LRRC7: variants seen among roughly 807,000 people sequenced by gnomAD.
LRRC7 encodes the protein leucine-rich repeat-containing protein 7.
LRRC7 carries 23 observed loss-of-function variants against 175.7 expected under a neutral mutation model. The ratio of observed to expected loss-of-function variants is 0.13; its 90% confidence interval spans 0.09 to 0.19. The LOEUF (loss-of-function observed/expected upper bound fraction) is 0.19, where lower values mean the gene tolerates loss of function less well. Among genes scored for constraint, LRRC7 ranks in the 10% least tolerant of loss-of-function variants. LRRC7 has a pLI of 1.00. For missense variants in LRRC7, 1,354 were observed against 1,904.7 expected (o/e 0.71, Z 5.38); for synonymous variants, 685 against 680.9 (o/e 1.01, Z -0.09).
chr1:69,697,806 T>C (rs1291994022), intron 2 of LRRC7, among the ~76,000 whole-genome samples: 1 of 152,196 alleles, frequency 6.6e-6, no homozygotes, highest in East Asian at 1.9e-4. Context: ...TCATTAGTGA[T>C]AAAACTGATA....
chr1:69,781,717 A>G (rs184395707), intron 3 of LRRC7, among the ~76,000 whole-genome samples: 7 of 32,474 alleles, frequency 2.2e-4, no homozygotes, highest in African/African-American at 3.8e-4. Context: ...GAAAGAAAGA[A>G]AGAAAGAAAG....
intron 3 of LRRC7, among the ~76,000 whole-genome samples, chr1:69,789,964 G>A (rs1674924608): frequency 1.3e-5 from 2 of 151,910 alleles, no homozygotes; most frequent in Admixed American, 6.6e-5. Context: ...AAATATTCAA[G>A]GCCATTGATT....
intron 1 of LRRC7, among the ~76,000 whole-genome samples, chr1:69,636,787 T>G (rs1027673345): frequency 3.3e-5 from 5 of 152,020 alleles, no homozygotes; most frequent in African/African-American, 1.2e-4. Flanking sequence ...TTTTTATCCT[T>G]TAATATATTC....
chr1:70,058,329 G>A (rs1661309964), intron 23 of LRRC7, among the ~76,000 whole-genome samples: 1 of 152,112 alleles, frequency 6.6e-6, no homozygotes, highest in South Asian at 2.1e-4. Flanking sequence ...AAATTTTGAT[G>A]TCTATTAGTA....
chr1:69,986,464 G>T (rs1653943543), intron 10 of LRRC7, 78 bp downstream of exon 10: 1 of 1,267,968 alleles, frequency 7.9e-7, no homozygotes, highest in Non-Finnish European at 1.1e-6. Flanking sequence ...TTTGTCTATA[G>T]ATATAGGTAA....
At chr1:69,769,839 A>G (rs1672024676) in intron 3 of LRRC7, among the ~76,000 whole-genome samples, 1 of 152,214 alleles carries the variant, frequency 6.6e-6, no homozygotes, top group Non-Finnish European at 1.5e-5. Flanking sequence ...ATCAATGGCT[A>G]TAGATTACTA....
At chr1:69,929,009 T>C (rs1647184637) in intron 7 of LRRC7, among the ~76,000 whole-genome samples, 2 of 152,230 alleles carry the variant, frequency 1.3e-5, no homozygotes, top group Non-Finnish European at 2.9e-5. Context: ...TTCTTCTTAT[T>C]TTTTCTCCTA....
In LRRC7 at chr1:69,652,212, C is replaced by G. The variant is rs1466412931; in HGVS notation, c.3-26169C>G. Among the ~76,000 whole-genome samples the G allele has an allele frequency of 2.7e-5, 4 of 150,164 alleles. No individual in the cohort carries two copies. The East Asian group carries it at 7.9e-4, about 29-fold the overall frequency. On this transcript the variant is annotated intron_variant, in intron 1 of 26. Coordinates refer to ENST00000651989, the MANE Select transcript of LRRC7 (RefSeq NM_001370785.2). Reference sequence around the variant, plus strand: ...ACAAATAAGAAAGAGGTACAATTTTCTCTGTTCACAGATGACATGATGTTA... The same window carrying G: ...ACAAATAAGAAAGAGGTACAATTTTGTCTGTTCACAGATGACATGATGTTA...
chr1:69,897,799 T>A (rs1268658067), intron 7 of LRRC7, among the ~76,000 whole-genome samples: 1 of 152,202 alleles, frequency 6.6e-6, no homozygotes, highest in Non-Finnish European at 1.5e-5. Context: ...GCCATGTCAA[T>A]CTTAATGCAA....
chr1:69,696,742 C>T (rs1043209028), intron 2 of LRRC7, among the ~76,000 whole-genome samples: 4 of 152,058 alleles, frequency 2.6e-5, no homozygotes, highest in African/African-American at 4.8e-5. Flanking sequence ...TCATGTGAGA[C>T]GTGATTGTTT....
Position 70,142,946 on chromosome 1 carries a change from A to G in LRRC7, c.*21059A>G, listed in dbSNP as rs1667125811. 1 of 152,022 alleles carries G rather than the reference A, an allele frequency of 6.6e-6. No homozygotes were observed. Among genetic ancestry groups the G allele is most frequent in the South Asian group, 2.1e-4 (1 of 4,824 alleles). 9.4% of individuals were successfully genotyped at this position (152,022 alleles called of 1,614,324 possible). A position where few individuals can be genotyped will look rare whatever the true frequency, so the allele number is the denominator to read the frequency against. On this transcript the variant is annotated 3_prime_UTR_variant, in exon 27 of 27. Transcript: ENST00000651989. ...AAATTATTTTTTCCTAAACGATTTC[A>G]TAATTGATTACTTTTGACCTCAGTT...
chr1:70,122,325 AGGTATATGTT>A lies in LRRC7; in HGVS notation c.*441_*450del, dbSNP rs1426269357. The A allele has an allele frequency of 6.5e-6, 1 of 153,138 alleles. No homozygotes were observed. The highest frequency in any genetic ancestry group is 1.5e-5 in the Non-Finnish European group (1 of 68,490). 9.5% of individuals were successfully genotyped at this position (153,138 alleles called of 1,614,324 possible). On this transcript the variant is annotated 3_prime_UTR_variant, in exon 27 of 27. Coordinates refer to ENST00000651989, the MANE Select transcript of LRRC7 (RefSeq NM_001370785.2). ...ATTCCCATAAAATATTTCTAGCACA[AGGTATATGTT>A]GGCATATATACAAAAAGAATATAGA...
At chr1:69,767,703 C>G (rs960573898) in intron 3 of LRRC7, among the ~76,000 whole-genome samples, 1 of 152,150 alleles carries the variant, frequency 6.6e-6, no homozygotes, top group Non-Finnish European at 1.5e-5. Context: ...CTCAAGTGAT[C>G]CTACTGCGTT....
intron 1 of LRRC7, among the ~76,000 whole-genome samples, chr1:69,580,330 A>T (rs938505186): frequency 6.6e-6 from 1 of 152,180 alleles, no homozygotes; most frequent in Non-Finnish European, 1.5e-5. Flanking sequence ...CTGGTTAAAA[A>T]TATAATTTTT....
In LRRC7 at chr1:70,123,040, T is replaced by C. The variant is rs963521341; in HGVS notation, c.*1153T>C. On this transcript the variant is annotated 3_prime_UTR_variant, in exon 27 of 27. Transcript: ENST00000651989. ...CTGGGCAGAAATAGATAAAATACTTTTTTTCCAAAAACAGTTTCAAGGTAT... is the reference window on the plus strand; with the variant it reads ...CTGGGCAGAAATAGATAAAATACTTCTTTTCCAAAAACAGTTTCAAGGTAT... The C allele has an allele frequency of 5.9e-5, 9 of 152,558 alleles. No individual in the cohort carries two copies. Among genetic ancestry groups the C allele is most frequent in the Non-Finnish European group, 1.3e-4 (9 of 67,974 alleles). The allele number at this position is 152,558 out of a possible 1,614,324, so 9.5% of individuals were successfully genotyped here. A position where few individuals can be genotyped will look rare whatever the true frequency, so the allele number is the denominator to read the frequency against.
At chr1:69,642,599 A>G (rs1466054082) in intron 1 of LRRC7, among the ~76,000 whole-genome samples, 3 of 151,992 alleles carry the variant, frequency 2.0e-5, no homozygotes, top group Non-Finnish European at 4.4e-5. Flanking sequence ...AACACACTCA[A>G]TAATGTCAAA....
chr1:70,026,930 T>G (rs911168383), intron 17 of LRRC7, among the ~76,000 whole-genome samples: 44 of 152,206 alleles, frequency 2.9e-4, no homozygotes, highest in African/African-American at 1.1e-3. Context: ...TGGGCAAAAG[T>G]GTTTGAATTC....
intron 8 of LRRC7, among the ~76,000 whole-genome samples, chr1:69,979,121 A>G (rs534558013): frequency 5.1e-4 from 77 of 152,296 alleles, no homozygotes; most frequent in Non-Finnish European, 9.0e-4. Context: ...CAGAAGTCAC[A>G]AAGATTCACT....
intron 22 of LRRC7, among the ~76,000 whole-genome samples, chr1:70,045,297 T>C (rs181275487): frequency 1.3e-5 from 2 of 152,246 alleles, no homozygotes; most frequent in Admixed American, 1.3e-4. Context: ...CCTTGATTTG[T>C]GGTATCTGCC....
Sources: allele counts gnomAD v4.1 joint callset (sites outside exome capture counted in the v4.1 genomes callset), GRCh38; gene constraint gnomAD v4.1.1; transcripts MANE v1.5; gene names NCBI Gene and HGNC (gene_info 2026-07-23, HGNC 2026-07-21).